SYNE1: variants seen among roughly 807,000 people sequenced by gnomAD.
SYNE1 encodes the protein spectrin repeat containing nuclear envelope protein 1, also known as nesprin-1.
SYNE1 carries 616 observed loss-of-function variants against 1,111.0 expected under a neutral mutation model. That is an observed-to-expected ratio of 0.55 (90% CI 0.52 to 0.59). The LOEUF is 0.59. Among genes scored for constraint, SYNE1 ranks in the 20% least tolerant of loss-of-function variants. The pLI is 0.00. For missense variants in SYNE1, 10,006 were observed against 10,417.0 expected, an observed-to-expected ratio of 0.96 and a Z score of 1.72; for synonymous variants, 3,855 against 3,825.8, an observed-to-expected ratio of 1.01 and a Z score of -0.28.
chr6:152,559,361 A>G (rs1279852427), intron 3 of SYNE1, among the ~76,000 whole-genome samples: 2 of 152,154 alleles, frequency 1.3e-5, no homozygotes, highest in Non-Finnish European at 2.9e-5. Flanking sequence ...TCAGCCTCCT[A>G]AAATGCTGTG....
intron 44 of SYNE1, among the ~76,000 whole-genome samples, chr6:152,408,033 G>A (rs574201167): frequency 3.9e-4 from 60 of 152,232 alleles, no homozygotes; most frequent in Admixed American, 3.9e-4. Context: ...AAAGTGCTGC[G>A]ATTACAGGTG....
At chr6:152,139,568 CAAA>C (rs774081107) in intron 140 of SYNE1, among the ~76,000 whole-genome samples, 9 of 43,998 alleles carry the variant, frequency 2.0e-4, no homozygotes, top group Non-Finnish European at 2.9e-4. Context: ...GAGACTCCAT[CAAA>C]AAAAAAAAAA....
chr6:152,560,903 A>G (rs1310500410), intron 3 of SYNE1, among the ~76,000 whole-genome samples: 4 of 152,234 alleles, frequency 2.6e-5, no homozygotes, highest in Admixed American at 2.6e-4. Context: ...TAGGTACAGG[A>G]GGAATGTATC....
At chr6:152,323,195 A>T (rs530935378) in intron 82 of SYNE1, among the ~76,000 whole-genome samples, 3 of 152,258 alleles carry the variant, frequency 2.0e-5, no homozygotes, top group African/African-American at 7.2e-5. Context: ...TCACGCTTGT[A>T]ATCCCAGCAC....
At position 152,148,813 on chromosome 6, in the gene SYNE1, AG is replaced by A. The variant is rs2059935458; in HGVS notation, c.24643-436del. Among the ~76,000 whole-genome samples, 1 of 152,100 alleles carries A rather than the reference AG, an allele frequency of 6.6e-6. No individual in the cohort carries two copies. The highest frequency in any genetic ancestry group is 6.5e-5 in the Admixed American group (1 of 15,278). Reference sequence around the variant, plus strand: ...AAGATTAAATAAATATTATAAAGAAAGGCAATCTACTACCATGCCCACCACA... The same window carrying A: ...AAGATTAAATAAATATTATAAAGAAAGCAATCTACTACCATGCCCACCACA... On this transcript the variant is annotated intron_variant, in intron 136 of 145. Transcript: ENST00000367255. This position sits in a 1 kb window ranked among gnomAD's most constrained non-coding sequence, Gnocchi z 4.1.
intron 126 of SYNE1, among the ~76,000 whole-genome samples, chr6:152,205,265 C>T (rs1206066874): frequency 1.3e-5 from 2 of 152,060 alleles, no homozygotes; most frequent in Non-Finnish European, 2.9e-5. Flanking sequence ...TCAACATATA[C>T]AGGACCATAA....
At chr6:152,123,540 A>G (rs940469768) in intron 145 of SYNE1, among the ~76,000 whole-genome samples, 1 of 152,230 alleles carries the variant, frequency 6.6e-6, no homozygotes, top group South Asian at 2.1e-4. Flanking sequence ...CCTGGAAAAT[A>G]CAGAATCTGG....
intron 14 of SYNE1, among the ~76,000 whole-genome samples, chr6:152,477,269 G>A (rs1277685742): frequency 3.9e-5 from 6 of 152,084 alleles, no homozygotes; most frequent in Admixed American, 3.9e-4. Flanking sequence ...TAACAGTTGA[G>A]ATGATGATAA....
chr6:152,492,603 G>A (rs1310197987), intron 11 of SYNE1, among the ~76,000 whole-genome samples: 1 of 152,196 alleles, frequency 6.6e-6, no homozygotes. Flanking sequence ...TTGCCTGGAA[G>A]CCACTCCCAG....
At chr6:152,611,526 A>C (rs1292226582) in intron 3 of SYNE1, among the ~76,000 whole-genome samples, 1 of 152,176 alleles carries the variant, frequency 6.6e-6, no homozygotes, top group Admixed American at 6.5e-5. Flanking sequence ...AAAGAGACTT[A>C]GACTCCCACA....
chr6:152,367,270 C>T lies in SYNE1; in HGVS notation c.9920G>A (p.Cys3307Tyr). 6.2e-7 allele frequency: 1 copy of T among 1,614,208 alleles called. No homozygotes were observed. Among genetic ancestry groups the T allele is most frequent in the South Asian group, 1.1e-5 (1 of 91,086 alleles). ...TDAIHMLDSY[C>Y]HPTSDKSVLD... ...CACACTTTTGTCGGATGTCGGGTGGCAGTATGAATCCAGCATGTGAATCGC... is the reference window on the plus strand; with the variant it reads ...CACACTTTTGTCGGATGTCGGGTGGTAGTATGAATCCAGCATGTGAATCGC... The change falls in exon 62 of 146, where the codon TGC (cysteine) becomes TAC (tyrosine). Residue 3307 changes from cysteine to tyrosine, a missense_variant. Physicochemically the swap from Cys to Tyr is radical, Grantham distance 194. This residue lies in a region of SYNE1 where 4,955 missense variants were observed against 5,017.2 expected (regional missense o/e 0.99). Transcript: ENST00000367255.
At chr6:152,423,921 G>A (rs977459412) in intron 39 of SYNE1, among the ~76,000 whole-genome samples, 1 of 152,194 alleles carries the variant, frequency 6.6e-6, no homozygotes, top group African/African-American at 2.4e-5. Flanking sequence ...GGTCTCGCTT[G>A]ACCACCATTC....
intron 6 of SYNE1, among the ~76,000 whole-genome samples, chr6:152,518,684 T>C (rs1258149446): frequency 6.6e-6 from 1 of 152,122 alleles, no homozygotes; most frequent in Non-Finnish European, 1.5e-5. Context: ...AAATATATTG[T>C]AGATGAGAGT....
At chr6:152,431,051 A>G (rs938114503) in intron 34 of SYNE1, among the ~76,000 whole-genome samples, 2 of 152,214 alleles carry the variant, frequency 1.3e-5, no homozygotes, top group African/African-American at 2.4e-5. Context: ...AGGCGTTTTA[A>G]TTAACTGAGC....
intron 131 of SYNE1, among the ~76,000 whole-genome samples, chr6:152,158,736 T>A (rs2061841467): frequency 6.6e-6 from 1 of 152,128 alleles, no homozygotes; most frequent in Non-Finnish European, 1.5e-5. Context: ...ACATTTGAGG[T>A]CTTAAACTAC....
chr6:152,514,963 T>TG (rs2099104176), intron 6 of SYNE1, among the ~76,000 whole-genome samples: 1 of 152,180 alleles, frequency 6.6e-6, no homozygotes, highest in African/African-American at 2.4e-5. Flanking sequence ...GGCTCACACC[T>TG]GTAATCCCAG....
At position 152,135,084 on chromosome 6, in the gene SYNE1, C is replaced by T. The variant is rs777917650; in HGVS notation, c.25788+20G>A. The T allele has an allele frequency of 5.6e-6, 9 of 1,614,004 alleles. No homozygotes were observed. Among genetic ancestry groups the T allele is most frequent in the Non-Finnish European group, 7.6e-6 (9 of 1,179,952 alleles). ...CCCTGCTAAAAATAACTGGAGGCTG[C>T]CAGAGTTCACACATCTTACCATAAG... On this transcript the variant is annotated intron_variant, in intron 142 of 145. Transcript: ENST00000367255.
intron 91 of SYNE1, among the ~76,000 whole-genome samples, chr6:152,303,163 C>A (rs1472255278): frequency 7.4e-6 from 1 of 135,140 alleles, no homozygotes; most frequent in Non-Finnish European, 1.5e-5. Flanking sequence ...ACATAGAACA[C>A]ATTTTGTGGG....
At chr6:152,545,301 C>T (rs553420064) in intron 3 of SYNE1, among the ~76,000 whole-genome samples, 17 of 152,034 alleles carry the variant, frequency 1.1e-4, no homozygotes, top group Admixed American at 4.6e-4. Flanking sequence ...AGGAAGAGTC[C>T]GGGTGCTGTG....
Sources: allele counts gnomAD v4.1 joint callset (sites outside exome capture counted in the v4.1 genomes callset), GRCh38; gene constraint gnomAD v4.1.1; regional missense constraint gnomAD v4.1.1; non-coding constraint Gnocchi (gnomAD v3.1); transcripts MANE v1.5; gene names NCBI Gene and HGNC (gene_info 2026-07-23, HGNC 2026-07-21).